Variants in RFTN1 observed in about 807,000 individuals in gnomAD.
The protein encoded by RFTN1 is raftlin, lipid raft linker 1, also known as raftlin.
RFTN1 carries 26 observed loss-of-function variants against 46.5 expected under a neutral mutation model. The observed-to-expected ratio is 0.56, with a 90% confidence interval of 0.41 to 0.78. The LOEUF is 0.78. RFTN1 is among the 30% of genes least tolerant of loss of function. The probability of loss-of-function intolerance (pLI) is 0.00; values close to 1 mark genes in which losing one functional copy is unlikely to be tolerated. For missense variants in RFTN1, 693 were observed against 718.7 expected (o/e 0.96, Z 0.41); for synonymous variants, 261 against 284.2 (o/e 0.92, Z 0.82).
At chr3:16,503,262 G>T (rs1234050779) in intron 1 of RFTN1, among the ~76,000 whole-genome samples, 1 of 152,148 alleles carries the variant, frequency 6.6e-6, no homozygotes, top group African/African-American at 2.4e-5. Context: ...CCAGGATCTT[G>T]TTAAAAATGC....
At chr3:16,365,988 T>C (rs764683123) in intron 6 of RFTN1, among the ~76,000 whole-genome samples, 46 of 151,952 alleles carry the variant, frequency 3.0e-4, no homozygotes, top group Non-Finnish European at 5.4e-4. Flanking sequence ...AGGCCATTTC[T>C]GAAACAAAGA....
Position 16,506,746 on chromosome 3 carries a change from T to C in RFTN1, c.-9+6696A>G, listed in dbSNP as rs1473885281. Among the ~76,000 whole-genome samples the C allele has an allele frequency of 6.6e-6, 1 of 152,072 alleles. No individual in the cohort carries two copies. The highest frequency in any genetic ancestry group is 1.5e-5 in the Non-Finnish European group (1 of 68,020). On this transcript the variant is annotated intron_variant, in intron 1 of 9. Transcript: ENST00000334133. The surrounding 1 kb of genome is among the most constrained non-coding windows in gnomAD (Gnocchi z 4.8). Reference sequence around the variant, plus strand: ...CAGAGGAGAGCTCCACAGCTCTTGGTAATGCCTCATCTCCCTACATGACAG... The same window carrying C: ...CAGAGGAGAGCTCCACAGCTCTTGGCAATGCCTCATCTCCCTACATGACAG...
At chr3:16,439,170 T>A in intron 2 of RFTN1, among the ~76,000 whole-genome samples, 1 of 152,204 alleles carries the variant, frequency 6.6e-6, no homozygotes. Context: ...ATTATAAACA[T>A]GATTAAAGGC....
At chr3:16,324,051 G>T (rs79695911) in intron 8 of RFTN1, among the ~76,000 whole-genome samples, 1 of 152,194 alleles carries the variant, frequency 6.6e-6, no homozygotes. Context: ...TCCCAGGAAG[G>T]CAGGACCTGG....
In RFTN1 at chr3:16,443,156, C is replaced by T. The variant is rs2075664035; in HGVS notation, c.146-9119G>A. Among the ~76,000 whole-genome samples the T allele has an allele frequency of 6.6e-6, 1 of 152,186 alleles. No homozygotes were observed. The highest frequency in any genetic ancestry group is 2.4e-5 in the African/African-American group (1 of 41,456). ...TTTTGATGAACCTCCATATTGTTTT[C>T]TATAATGGCTGTACTAGTTTACATT... is the stretch of plus-strand genomic sequence containing the variant. On this transcript the variant is annotated intron_variant, in intron 2 of 9. Coordinates refer to ENST00000334133, the MANE Select transcript of RFTN1 (RefSeq NM_015150.2). The surrounding 1 kb of genome is among the most constrained non-coding windows in gnomAD (Gnocchi z 5.5).
At chr3:16,490,513 C>T (rs1031475696) in intron 2 of RFTN1, among the ~76,000 whole-genome samples, 6 of 152,206 alleles carry the variant, frequency 3.9e-5, no homozygotes, top group Non-Finnish European at 5.9e-5. Flanking sequence ...TGGCTTGAAT[C>T]TCAACTTCAT....
rs2075060988 is a variant in RFTN1 at position 16,415,483 on chromosome 3, C to CAGG, written c.333-6003_333-6001dup. Among the ~76,000 whole-genome samples the CAGG allele has an allele frequency of 5.7e-5, 8 of 141,526 alleles. No individual in the cohort carries two copies. The South Asian group carries it at 1.8e-3, about 33-fold the overall frequency. The allele number at this position is 141,526 out of a possible 152,430, so 92.8% of individuals were successfully genotyped here. On this transcript the variant is annotated intron_variant, in intron 3 of 9. Coordinates refer to ENST00000334133, the MANE Select transcript of RFTN1 (RefSeq NM_015150.2). ...AATATATATACTGAAGTCTGGACTG[C>CAGG]AGGAGAACGGTCTGGACTGCAGCTG... is the stretch of plus-strand genomic sequence containing the variant.
chr3:16,501,860 A>G (rs983476982), intron 1 of RFTN1, among the ~76,000 whole-genome samples: 2 of 152,270 alleles, frequency 1.3e-5, no homozygotes, highest in African/African-American at 4.8e-5. Flanking sequence ...TAGGAAAACT[A>G]AAATGTACCC....
Position 16,353,606 on chromosome 3 carries a change from G to GTT in RFTN1, c.1146+4324_1146+4325dup, listed in dbSNP as rs2125324722. 6.6e-6 allele frequency among the ~76,000 whole-genome samples: 1 copy of GTT among 152,346 alleles called. No homozygotes were observed. The highest frequency in any genetic ancestry group is 6.5e-5 in the Admixed American group (1 of 15,308). ...TTTTCTATCCTCCCACAATGCGTAT[G>GTT]TTGAGGCTCCAAGCCCTAGTTTGGC... On this transcript the variant is annotated intron_variant, in intron 7 of 9. Coordinates refer to ENST00000334133, the MANE Select transcript of RFTN1 (RefSeq NM_015150.2). The surrounding 1 kb of genome is among the most constrained non-coding windows in gnomAD (Gnocchi z 5.4).
At position 16,499,942 on chromosome 3, in the gene RFTN1, A is replaced by G. The variant is rs1035893647; in HGVS notation, c.-8-6065T>C. 6.6e-6 allele frequency among the ~76,000 whole-genome samples: 1 copy of G among 152,210 alleles called. No homozygotes were observed. The highest frequency in any genetic ancestry group is 2.4e-5 in the African/African-American group (1 of 41,442). ...ATAAGTGCAGGAGCCCTGTTAATGA[A>G]AAAATGCTTCTCTTTACACATGTAG... On this transcript the variant is annotated intron_variant, in intron 1 of 9. Transcript: ENST00000334133. This position sits in a 1 kb window ranked among gnomAD's most constrained non-coding sequence, Gnocchi z 4.9.
At position 16,357,961 on chromosome 3, in the gene RFTN1, T is replaced by C; in HGVS notation, c.1117A>G (p.Ile373Val). ...DSKTIQGYDA[I>V]VVEQWTVLEG... The stretch of plus-strand genomic sequence containing the variant: ...AGGACTGTCCATTGTTCAACCACAA[T>C]AGCATCATAGCCCTGTATGGTTTTG... Residue 373 changes from isoleucine to valine, a missense_variant, in exon 7 of 10, where the codon ATT becomes GTT. Coordinates refer to ENST00000334133, the MANE Select transcript of RFTN1 (RefSeq NM_015150.2). 1 of 1,611,022 alleles carries C rather than the reference T, an allele frequency of 6.2e-7. No individual in the cohort carries two copies. Among genetic ancestry groups the C allele is most frequent in the Non-Finnish European group, 8.5e-7 (1 of 1,178,760 alleles).
intron 7 of RFTN1, among the ~76,000 whole-genome samples, chr3:16,333,118 C>T (rs1027919697): frequency 1.8e-4 from 28 of 152,214 alleles, no homozygotes; most frequent in African/African-American, 6.8e-4. Flanking sequence ...TAAAGCACAT[C>T]ATAGCATTCC....
chr3:16,497,437 G>A (rs1019295644), intron 1 of RFTN1, among the ~76,000 whole-genome samples: 4 of 152,204 alleles, frequency 2.6e-5, no homozygotes, highest in African/African-American at 4.8e-5. Context: ...CTGAGAAGGC[G>A]AAAGGACTCT....
At chr3:16,408,544 A>G (rs1186595121) in intron 4 of RFTN1, among the ~76,000 whole-genome samples, 2 of 150,780 alleles carry the variant, frequency 1.3e-5, no homozygotes, top group Non-Finnish European at 2.9e-5. Flanking sequence ...TGGGGCTAGG[A>G]CATTCCTTCT....
rs1373183716 is a variant in RFTN1, at chr3:16,452,448, C to G, written c.146-18411G>C. Among the ~76,000 whole-genome samples, 2 of 152,216 alleles carry G rather than the reference C, an allele frequency of 1.3e-5. No homozygotes were observed. The highest frequency in any genetic ancestry group is 3.9e-4 in the East Asian group (2 of 5,188). On this transcript the variant is annotated intron_variant, in intron 2 of 9. Transcript: ENST00000334133. The surrounding 1 kb of genome is among the most constrained non-coding windows in gnomAD (Gnocchi z 6.3). The stretch of plus-strand genomic sequence containing the variant: ...TTAGCTACTGTATCATGGGTTTATG[C>G]CAAAAGATGACGCAGAGCTAGTCAG...
chr3:16,397,923 C>T (rs73041495), intron 4 of RFTN1, among the ~76,000 whole-genome samples: 5,688 of 152,132 alleles, frequency 0.037, 139 homozygotes, highest in Middle Eastern at 0.082. Flanking sequence ...GTTTTGCACC[C>T]GGGACCTCTT....
intron 1 of RFTN1, among the ~76,000 whole-genome samples, chr3:16,501,815 C>T (rs17272530): frequency 0.52 from 79,107 of 152,020 alleles, 20,922 homozygotes; most frequent in African/African-American, 0.6. Context: ...TGGTGTCAGA[C>T]TTTTTGCTGT....
intron 6 of RFTN1, among the ~76,000 whole-genome samples, chr3:16,360,297 G>A (rs897107321): frequency 4.6e-5 from 7 of 151,872 alleles, no homozygotes; most frequent in South Asian, 2.1e-4. Flanking sequence ...ACAGCCTCCC[G>A]AGTAGCTGGG....
chr3:16,326,313 C>G (rs981147275), intron 8 of RFTN1, among the ~76,000 whole-genome samples: 1 of 152,234 alleles, frequency 6.6e-6, no homozygotes. Flanking sequence ...TGATCTTGGC[C>G]AAGTCCCTCA....
Sources: allele counts gnomAD v4.1 joint callset (sites outside exome capture counted in the v4.1 genomes callset), GRCh38; gene constraint gnomAD v4.1.1; non-coding constraint Gnocchi (gnomAD v3.1); transcripts MANE v1.5; gene names NCBI Gene and HGNC (gene_info 2026-07-23, HGNC 2026-07-21).